Variants in MCM9 observed in about 807,000 individuals in gnomAD.
The protein encoded by MCM9 is DNA helicase MCM9.
A neutral mutation model predicts 72.8 loss-of-function variants in MCM9; 55 were observed. The observed-to-expected ratio is 0.76, with a 90% CI of 0.61 to 0.95. The LOEUF (loss-of-function observed/expected upper bound fraction) is 0.95, where lower values mean the gene tolerates loss of function less well. MCM9 is among the 40% of genes least tolerant of loss of function. MCM9 has a pLI of 0.00. For synonymous variants in MCM9, 480 were observed against 503.4 expected, an observed-to-expected ratio of 0.95 and a Z score of 0.62; for missense variants, 1,279 against 1,377.0, an observed-to-expected ratio of 0.93 and a Z score of 1.13.
At position 118,931,744 on chromosome 6, in the gene MCM9, G is replaced by GAA; in HGVS notation, c.-15-8_-15-7dup. 2.3e-5 allele frequency: 31 copies of GAA among 1,340,806 alleles called. No homozygotes were observed. The highest frequency in any genetic ancestry group is 2.0e-4 in the Middle Eastern group (1 of 4,934). 83.1% of individuals were successfully genotyped at this position (1,340,806 alleles called of 1,614,324 possible). On this transcript the variant is annotated splice_polypyrimidine_tract_variant and splice_region_variant and intron_variant, in intron 2 of 13. Transcript: ENST00000619706. ...TTCATCTTGAATCTAGGTAACTAAA[G>GAA]AAAAAAAAAAGGATCATATTATATA... is the stretch of plus-strand genomic sequence containing the variant.
chr6:118,917,715 G>A lies in MCM9; in HGVS notation c.750C>T (p.Pro250=), dbSNP rs115772624. The A allele has an allele frequency of 2.0e-3, 3,204 of 1,614,052 alleles. 53 individuals are homozygous for A. The African/African-American group carries it at 0.036, about 18-fold the overall frequency. The change falls in exon 6 of 14, where the codon CCC becomes CCT. Residue 250 remains proline, a synonymous_variant. Coordinates refer to ENST00000619706, the MANE Select transcript of MCM9 (RefSeq NM_017696.3). ...IYGIVMQRWK[P]FQQDVRCEVE... ...CTTCACAGCGCACATCTTGCTGAAA[G>A]GGCTTCCACCGTTGCATTACAATCC...
intron 9 of MCM9, among the ~76,000 whole-genome samples, chr6:118,844,410 G>A (rs1261965754): frequency 6.6e-6 from 1 of 151,538 alleles, no homozygotes; most frequent in African/African-American, 2.4e-5. Context: ...GTTTTCACTG[G>A]TTCCCACCAC....
At position 118,917,764 on chromosome 6, in the gene MCM9, A is replaced by G. The variant is rs1781084741; in HGVS notation, c.704-3T>C. 1.9e-6 allele frequency: 3 copies of G among 1,613,934 alleles called. No homozygotes were observed. The highest frequency in any genetic ancestry group is 2.5e-6 in the Non-Finnish European group (3 of 1,179,846). ...CCCGTAAATAGTGAGGTCATCACCT[A>G]GGAAAAAGCATCAAGTGAGTCCAGC... On this transcript the variant is annotated splice_polypyrimidine_tract_variant and splice_region_variant and intron_variant, in intron 5 of 13. Transcript: ENST00000619706.
At position 118,814,837 on chromosome 6, in the gene MCM9, C is replaced by A. The variant is rs542454374; in HGVS notation, c.3419G>T (p.Arg1140Ile). 32 of 1,496,274 alleles carry A rather than the reference C, an allele frequency of 2.1e-5. No homozygotes were observed. In the East Asian group the frequency reaches 7.9e-4, roughly 37 times the overall value. 92.7% of individuals were successfully genotyped at this position (1,496,274 alleles called of 1,614,324 possible). ...AGCTTTTCCCAACTATGACTTTTTT[C>A]TCATCTCTTCATCCCAGTCACAATC... ...AFDCDWDEEM[R>I]KKS is the part of the protein sequence containing the mutation. The change falls in exon 14 of 14, where the codon AGA becomes ATA. Residue 1140 changes from arginine (R) to isoleucine (I), a missense_variant. By Grantham distance (97) the Arg-to-Ile change is moderately conservative (BLOSUM62 -3). Coordinates refer to ENST00000619706, the MANE Select transcript of MCM9 (RefSeq NM_017696.3).
chr6:118,864,759 G>C (rs1362000605), intron 8 of MCM9, among the ~76,000 whole-genome samples: 1 of 152,136 alleles, frequency 6.6e-6, no homozygotes, highest in Non-Finnish European at 1.5e-5. Flanking sequence ...TGAGAACAAA[G>C]AGGATTAAAC....
At chr6:118,840,169 A>T (rs892436777) in intron 9 of MCM9, among the ~76,000 whole-genome samples, 9 of 145,848 alleles carry the variant, frequency 6.2e-5, no homozygotes, top group South Asian at 2.2e-4. Context: ...TTTTTATGTT[A>T]TTTTTTTTTT....
chr6:118,884,326 A>T (rs1292327849), intron 8 of MCM9, among the ~76,000 whole-genome samples: 1 of 152,214 alleles, frequency 6.6e-6, no homozygotes, highest in Non-Finnish European at 1.5e-5. Context: ...TAGAATTGAC[A>T]ACATTTCTGT....
chr6:118,876,220 T>A (rs370867868), intron 8 of MCM9, among the ~76,000 whole-genome samples: 8,097 of 150,636 alleles, frequency 0.054, 307 homozygotes, highest in Non-Finnish European at 0.083. Context: ...TTGCCAGGGG[T>A]TGAAGGGAAA....
At chr6:118,819,425 T>C (rs1294234529) in intron 13 of MCM9, among the ~76,000 whole-genome samples, 2 of 152,316 alleles carry the variant, frequency 1.3e-5, no homozygotes, top group East Asian at 3.9e-4. Flanking sequence ...ATTACGTTTG[T>C]TGATTTGTGT....
intron 8 of MCM9, among the ~76,000 whole-genome samples, chr6:118,870,819 C>T (rs987877270): frequency 6.6e-6 from 1 of 151,932 alleles, no homozygotes; most frequent in Non-Finnish European, 1.5e-5. Flanking sequence ...AGAGACTACT[C>T]TGAACAATTA....
At chr6:118,918,973 C>T (rs1781195924) in intron 5 of MCM9, 1 of 152,194 alleles carries the variant, frequency 6.6e-6, no homozygotes, top group Non-Finnish European at 1.5e-5. Flanking sequence ...TAAGTAAGTG[C>T]TTTACAAGTT....
chr6:118,878,644 A>C (rs1317053359), intron 8 of MCM9, among the ~76,000 whole-genome samples: 1 of 152,124 alleles, frequency 6.6e-6, no homozygotes, highest in Non-Finnish European at 1.5e-5. Context: ...ATCTGAACTA[A>C]ACTGCTTTAA....
At position 118,862,950 on chromosome 6, in the gene MCM9, T is replaced by G. The variant is rs542485953; in HGVS notation, c.1151-6405A>C. Among the ~76,000 whole-genome samples, 221 of 152,264 alleles carry G rather than the reference T, an allele frequency of 1.5e-3. 1 individual carries two copies. Among genetic ancestry groups the G allele is most frequent in the African/African-American group, 5.2e-3 (217 of 41,548 alleles). ...AGACTTTCTCAAAGATTGAAGAAAT[T>G]TATTACTAGTAGACCTGCCTTGCAA... On this transcript the variant is annotated intron_variant, in intron 8 of 13. Coordinates refer to ENST00000619706, the MANE Select transcript of MCM9 (RefSeq NM_017696.3).
chr6:118,887,556 G>A (rs761108828), intron 8 of MCM9, among the ~76,000 whole-genome samples: 13 of 152,026 alleles, frequency 8.6e-5, no homozygotes, highest in Middle Eastern at 3.4e-3. Context: ...TCCTCATGAC[G>A]CTGGATTAGG....
chr6:118,896,775 G>A (rs4946367), intron 8 of MCM9, among the ~76,000 whole-genome samples: 84,132 of 151,906 alleles, frequency 0.55, 23,993 homozygotes, highest in East Asian at 0.65. Context: ...GCTTCTAATA[G>A]GTTCCATACT....
chr6:118,851,063 C>T (rs1292083905), intron 9 of MCM9, among the ~76,000 whole-genome samples: 1 of 151,722 alleles, frequency 6.6e-6, no homozygotes, highest in African/African-American at 2.4e-5. Context: ...TCAAGGGATC[C>T]TCCTCTCTCA....
intron 13 of MCM9, among the ~76,000 whole-genome samples, chr6:118,821,470 G>T (rs1212514754): frequency 1.3e-5 from 2 of 152,124 alleles, no homozygotes; most frequent in Non-Finnish European, 2.9e-5. Context: ...CTGGCTTGTA[G>T]GGTTTCTGCC....
intron 8 of MCM9, among the ~76,000 whole-genome samples, chr6:118,891,929 T>C (rs144489365): frequency 0.01 from 1,584 of 152,318 alleles, 30 homozygotes; most frequent in African/African-American, 0.036. Flanking sequence ...GGGTACTTAA[T>C]AAAGACATTC....
chr6:118,864,525 A>T (rs997001475), intron 8 of MCM9, among the ~76,000 whole-genome samples: 16 of 152,096 alleles, frequency 1.1e-4, no homozygotes, highest in African/African-American at 2.4e-4. Flanking sequence ...AGAGAAAGTC[A>T]GGGACCAGCT....
Sources: allele counts gnomAD v4.1 joint callset (sites outside exome capture counted in the v4.1 genomes callset), GRCh38; gene constraint gnomAD v4.1.1; transcripts MANE v1.5; gene names NCBI Gene and HGNC (gene_info 2026-07-23, HGNC 2026-07-21).